Variants in ARHGEF4 observed in about 807,000 individuals in gnomAD.
ARHGEF4 encodes APC-stimulated guanine nucleotide exchange factor 1.
A neutral mutation model predicts 162.0 loss-of-function variants in ARHGEF4; 119 were observed. The ratio of observed to expected loss-of-function variants is 0.73; its 90% CI spans 0.63 to 0.86. The LOEUF is 0.86. ARHGEF4 is among the 40% of genes least tolerant of loss of function. ARHGEF4 has a pLI of 0.00. For synonymous variants in ARHGEF4, 1,014 were observed against 979.9 expected (o/e 1.03, Z -0.65); for missense variants, 2,488 against 2,456.0 (o/e 1.01, Z -0.28).
At chr2:130,889,839 G>A (rs1464830793) in intron 1 of ARHGEF4, among the ~76,000 whole-genome samples, 1 of 145,400 alleles carries the variant, frequency 6.9e-6, no homozygotes, top group Non-Finnish European at 1.5e-5. Flanking sequence ...AAAAGTACTT[G>A]CTATTGAACG....
intron 1 of ARHGEF4, among the ~76,000 whole-genome samples, chr2:130,870,523 C>T (rs991262287): frequency 2.0e-5 from 3 of 152,146 alleles, no homozygotes; most frequent in African/African-American, 4.8e-5. Context: ...GTGCGGCCCT[C>T]ATTTTCCTGC....
intron 1 of ARHGEF4, among the ~76,000 whole-genome samples, chr2:130,855,016 G>A (rs1681669833): frequency 6.6e-6 from 1 of 151,686 alleles, no homozygotes; most frequent in South Asian, 2.1e-4. Context: ...TGGGACAACA[G>A]GCGCCCGCGA....
At chr2:130,896,262 T>C (rs1450140669) in intron 1 of ARHGEF4, among the ~76,000 whole-genome samples, 1 of 152,236 alleles carries the variant, frequency 6.6e-6, no homozygotes, top group Non-Finnish European at 1.5e-5. Context: ...CTAGAATACT[T>C]GTAATGCCAT....
At chr2:130,961,852 CA>C (rs1684640769) in intron 4 of ARHGEF4, among the ~76,000 whole-genome samples, 1 of 152,188 alleles carries the variant, frequency 6.6e-6, no homozygotes, top group East Asian at 1.9e-4. Context: ...TTGCAGCCTT[CA>C]GAGGACAGCT....
chr2:130,999,805 C>T (rs1482254771), intron 4 of ARHGEF4, among the ~76,000 whole-genome samples: 5 of 152,296 alleles, frequency 3.3e-5, no homozygotes, highest in East Asian at 1.9e-4. Context: ...TGGGTTCAAG[C>T]GATTCCCCTG....
chr2:130,931,258 G>A lies in ARHGEF4; in HGVS notation c.3858+1G>A. 1.3e-6 allele frequency: 2 copies of A among 1,599,734 alleles called. No individual in the cohort carries two copies. The highest frequency in any genetic ancestry group is 1.7e-6 in the Non-Finnish European group (2 of 1,170,376). ...GGCAGTGCACAAAGATGGAGTCAAGGTAAGCCACTCCCGGCCAGGAGTCCT... is the reference window on the plus strand; with the variant it reads ...GGCAGTGCACAAAGATGGAGTCAAGATAAGCCACTCCCGGCCAGGAGTCCT... On this transcript the variant is annotated splice_donor_variant, in intron 3 of 13. Coordinates refer to ENST00000409359, the MANE Select transcript of ARHGEF4 (RefSeq NM_001367493.1). LOFTEE classifies it high-confidence loss of function.
At chr2:131,021,178 C>G (rs1439776828) in intron 4 of ARHGEF4, among the ~76,000 whole-genome samples, 2 of 152,108 alleles carry the variant, frequency 1.3e-5, no homozygotes, top group Non-Finnish European at 2.9e-5. Flanking sequence ...TGTGCAGAAT[C>G]CTAAGCCAAA....
intron 4 of ARHGEF4, among the ~76,000 whole-genome samples, chr2:130,996,720 A>G (rs921900944): frequency 1.6e-4 from 24 of 152,274 alleles, no homozygotes; most frequent in African/African-American, 5.3e-4. Context: ...AATGCTACCC[A>G]GTGACTTTTT....
intron 4 of ARHGEF4, among the ~76,000 whole-genome samples, chr2:131,006,260 A>G (rs988924355): frequency 3.3e-5 from 5 of 152,192 alleles, no homozygotes; most frequent in African/African-American, 1.2e-4. Context: ...CCGCGATGAC[A>G]CCTTAATTTA....
rs1682599057 is a variant in ARHGEF4, at chr2:130,931,018, C to T, written c.3619C>T (p.His1207Tyr). The T allele has an allele frequency of 1.2e-6, 2 of 1,613,956 alleles. No individual in the cohort carries two copies. Among genetic ancestry groups the T allele is most frequent in the Non-Finnish European group, 1.7e-6 (2 of 1,179,860 alleles). ...TTGCTCTCACAGTCAGAAGGCGTTC[C>T]ACATGGAGCCTGCCCAGAAGCCCTG... ...PSCSHSQKAF[H>Y]MEPAQKPCFT... is the part of the protein sequence containing the mutation. Residue 1207 changes from histidine (H) to tyrosine (Y), a missense_variant, in exon 3 of 14, where the codon CAC becomes TAC. Coordinates refer to ENST00000409359, the MANE Select transcript of ARHGEF4 (RefSeq NM_001367493.1).
intron 4 of ARHGEF4, among the ~76,000 whole-genome samples, chr2:130,980,300 G>A (rs1332489017): frequency 3.3e-5 from 5 of 151,884 alleles, no homozygotes; most frequent in African/African-American, 1.2e-4. Flanking sequence ...GGGAGGCTGA[G>A]GCAGGAGAAT....
At chr2:131,015,666 C>T (rs1688729258) in intron 4 of ARHGEF4, among the ~76,000 whole-genome samples, 1 of 152,242 alleles carries the variant, frequency 6.6e-6, no homozygotes, top group African/African-American at 2.4e-5. Flanking sequence ...AAGGGCGGAT[C>T]ACCTGAGGTC....
At chr2:130,854,163 A>G (rs932371170) in intron 1 of ARHGEF4, among the ~76,000 whole-genome samples, 1 of 152,248 alleles carries the variant, frequency 6.6e-6, no homozygotes, top group Non-Finnish European at 1.5e-5. Flanking sequence ...CATAAAATCC[A>G]CAGAATGATT....
intron 1 of ARHGEF4, among the ~76,000 whole-genome samples, chr2:130,888,326 C>T (rs1679644227): frequency 2.0e-5 from 3 of 151,828 alleles, no homozygotes; most frequent in African/African-American, 7.3e-5. Context: ...CAAAAATTAG[C>T]CGGGCATGAT....
Position 130,903,551 on chromosome 2 carries a change from C to A in ARHGEF4, c.40-10435C>A, listed in dbSNP as rs191265105. Among the ~76,000 whole-genome samples the A allele has an allele frequency of 5.3e-5, 8 of 152,290 alleles. No homozygotes were observed. The East Asian group carries it at 1.5e-3, about 29-fold the overall frequency. On this transcript the variant is annotated intron_variant, in intron 1 of 13. Coordinates refer to ENST00000409359, the MANE Select transcript of ARHGEF4 (RefSeq NM_001367493.1). ...GGGATTACAGGCGTGAGCCACCGCA[C>A]CTGACTGACATTTTTTTAAGATCCA...
chr2:130,962,503 T>C (rs143736007), intron 4 of ARHGEF4, among the ~76,000 whole-genome samples: 94 of 152,206 alleles, frequency 6.2e-4, no homozygotes, highest in Non-Finnish European at 1.2e-3. Context: ...CATATACTCA[T>C]GATAGACAAG....
intron 4 of ARHGEF4, among the ~76,000 whole-genome samples, chr2:131,018,951 A>G (rs552757060): frequency 6.6e-6 from 1 of 152,228 alleles, no homozygotes; most frequent in South Asian, 2.1e-4. Flanking sequence ...CTATATATCT[A>G]TCCTTATGCC....
chr2:130,921,648 T>C (rs1215896948), intron 2 of ARHGEF4, among the ~76,000 whole-genome samples: 1 of 152,148 alleles, frequency 6.6e-6, no homozygotes, highest in Non-Finnish European at 1.5e-5. Context: ...TATCTCACTG[T>C]GATTTTAGTT....
chr2:130,904,406 G>T (rs367826393), intron 1 of ARHGEF4, among the ~76,000 whole-genome samples: 1 of 152,080 alleles, frequency 6.6e-6, no homozygotes, highest in African/African-American at 2.4e-5. Flanking sequence ...CCCTGCTCTG[G>T]GGGGAGGGGA....
Sources: allele counts gnomAD v4.1 joint callset (sites outside exome capture counted in the v4.1 genomes callset), GRCh38; gene constraint gnomAD v4.1.1; transcripts MANE v1.5; gene names NCBI Gene and HGNC (gene_info 2026-07-23, HGNC 2026-07-21).